The following NEXMIF variants were observed in gnomAD, a reference collection of about 807,000 sequenced individuals.
NEXMIF encodes the protein neurite extension and migration factor.
NEXMIF carries 8 observed loss-of-function variants against 62.1 expected under a neutral mutation model. The ratio of observed to expected loss-of-function variants is 0.13; its 90% CI spans 0.08 to 0.23. NEXMIF has a LOEUF of 0.23. Ranked by LOEUF, NEXMIF falls within the 10% of genes least tolerant of loss-of-function variation. The pLI, the probability that NEXMIF is intolerant of heterozygous loss-of-function variation, is 1.00. For missense variants in NEXMIF, 976 were observed against 1,113.3 expected, an observed-to-expected ratio of 0.88 and a Z score of 1.75; for synonymous variants, 404 against 416.6, an observed-to-expected ratio of 0.97 and a Z score of 0.37.
chrX:74,733,570 G>A lies in NEXMIF; in HGVS notation c.*5835C>T, dbSNP rs1325543192. 1 of 112,145 alleles carries A rather than the reference G, an allele frequency of 8.9e-6. No homozygotes were observed. The highest frequency in any genetic ancestry group is 1.9e-5 in the Non-Finnish European group (1 of 53,186). 9.2% of individuals were successfully genotyped at this position (112,145 alleles called of 1,213,427 possible). A position where few individuals can be genotyped will look rare whatever the true frequency, so the allele number is the denominator to read the frequency against. On this transcript the variant is annotated 3_prime_UTR_variant, in exon 4 of 4. Coordinates refer to ENST00000055682, the MANE Select transcript of NEXMIF (RefSeq NM_001008537.3). ...TTCTAATACATATGATTCTAAAGCA[G>A]TATTTTAAACTTTTCTTTTTATTTA...
chrX:74,796,231 TA>T (rs2080309840), intron 1 of NEXMIF, among the ~76,000 whole-genome samples: 2 of 53,297 alleles, frequency 3.8e-5, no homozygotes, highest in East Asian at 8.6e-4. Context: ...ACATATATAA[TA>T]TATATATATA....
At chrX:74,852,009 G>C (rs1170155029) in intron 1 of NEXMIF, among the ~76,000 whole-genome samples, 1 of 110,542 alleles carries the variant, frequency 9.0e-6, no homozygotes, top group Non-Finnish European at 1.9e-5. Flanking sequence ...CCACTTAAAA[G>C]ATATAGATGG....
intron 1 of NEXMIF, among the ~76,000 whole-genome samples, chrX:74,827,872 A>G (rs2080423658): frequency 8.9e-6 from 1 of 112,167 alleles, no homozygotes; most frequent in South Asian, 3.7e-4. Context: ...CATCCCTGTG[A>G]GAAAGAAAAG....
At chrX:74,883,963 C>T (rs1402714401) in intron 1 of NEXMIF, among the ~76,000 whole-genome samples, 3 of 112,398 alleles carry the variant, frequency 2.7e-5, no homozygotes, top group African/African-American at 9.7e-5. Flanking sequence ...AGAAAATCTA[C>T]AAGCCAGAAG....
Position 74,859,837 on chromosome X carries a change from G to A in NEXMIF, c.-48+65046C>T, listed in dbSNP as rs182772813. On this transcript the variant is annotated intron_variant, in intron 1 of 3. Transcript: ENST00000055682. Reference sequence around the variant, plus strand: ...TTTATGGAAACAATGCTATGTTGTTGTCAGCTTAAAAAGCCTCGTGGTAAC... The same window carrying A: ...TTTATGGAAACAATGCTATGTTGTTATCAGCTTAAAAAGCCTCGTGGTAAC... Among the ~76,000 whole-genome samples, 6 of 111,327 alleles carry A rather than the reference G, an allele frequency of 5.4e-5. No homozygotes were observed. The Admixed American group carries it at 5.8e-4, about 11-fold the overall frequency.
intron 1 of NEXMIF, among the ~76,000 whole-genome samples, chrX:74,885,799 G>A (rs2080690089): frequency 9.0e-6 from 1 of 111,538 alleles, no homozygotes; most frequent in Non-Finnish European, 1.9e-5. Context: ...CTCATTTTAT[G>A]AGGCCAGCAT....
At chrX:74,755,506 G>A (rs1335903826) in intron 1 of NEXMIF, among the ~76,000 whole-genome samples, 1 of 111,151 alleles carries the variant, frequency 9.0e-6, no homozygotes, top group African/African-American at 3.3e-5. Context: ...TTGGTTCAAC[G>A]TGAATTTCTT....
At chrX:74,788,716 C>T (rs1602227444) in intron 1 of NEXMIF, among the ~76,000 whole-genome samples, 1 of 111,285 alleles carries the variant, frequency 9.0e-6, no homozygotes, top group Admixed American at 9.6e-5. Context: ...AGCCTAACTT[C>T]CTGAAGCAGT....
chrX:74,837,271 T>C (rs891552947), intron 1 of NEXMIF, among the ~76,000 whole-genome samples: 1 of 111,573 alleles, frequency 9.0e-6, no homozygotes, highest in East Asian at 2.8e-4. Flanking sequence ...GCTCACCTGA[T>C]TTTTGTTTTT....
chrX:74,872,216 C>T (rs1369157114), intron 1 of NEXMIF, among the ~76,000 whole-genome samples: 2 of 111,216 alleles, frequency 1.8e-5, no homozygotes, highest in African/African-American at 3.3e-5. Flanking sequence ...AAATGTGTTA[C>T]ATCTACATAA....
chrX:74,861,488 C>A (rs1418307391), intron 1 of NEXMIF, among the ~76,000 whole-genome samples: 2 of 111,478 alleles, frequency 1.8e-5, no homozygotes, highest in Non-Finnish European at 3.8e-5. Flanking sequence ...ACTCAGGAAA[C>A]CCAGAGAAAC....
intron 1 of NEXMIF, among the ~76,000 whole-genome samples, chrX:74,803,617 G>A (rs1461023007): frequency 9.1e-6 from 1 of 110,164 alleles, no homozygotes; most frequent in Non-Finnish European, 1.9e-5. Flanking sequence ...ACTGTGAAAG[G>A]TCAATGATAA....
At chrX:74,924,178 A>AGGGTGTACAAGACGCGAGCCG (rs2080835663) in intron 1 of NEXMIF, among the ~76,000 whole-genome samples, 1 of 110,820 alleles carries the variant, frequency 9.0e-6, no homozygotes, top group Admixed American at 9.4e-5. Context: ...CCCGCCCTAC[A>AGGGTGTACAAGACGCGAGCCG]GGGTGTACAA....
At chrX:74,806,138 T>G (rs2080344200) in intron 1 of NEXMIF, among the ~76,000 whole-genome samples, 2 of 111,989 alleles carry the variant, frequency 1.8e-5, no homozygotes, top group Non-Finnish European at 3.8e-5. Context: ...ACAGTGTTTT[T>G]CTCAGAGCAG....
At chrX:74,747,454 C>T (rs1468509570) in intron 1 of NEXMIF, among the ~76,000 whole-genome samples, 1 of 111,092 alleles carries the variant, frequency 9.0e-6, no homozygotes, top group Non-Finnish European at 1.9e-5. Flanking sequence ...CTTACCAACT[C>T]CAACCCCTGA....
intron 1 of NEXMIF, among the ~76,000 whole-genome samples, chrX:74,906,547 C>T (rs773366771): frequency 9.1e-5 from 10 of 110,495 alleles, no homozygotes; most frequent in Admixed American, 2.9e-4. Flanking sequence ...TGAGTCTCCT[C>T]CAACTGCCTA....
chrX:74,806,852 G>C (rs955373848), intron 1 of NEXMIF, among the ~76,000 whole-genome samples: 5 of 112,698 alleles, frequency 4.4e-5, no homozygotes, highest in African/African-American at 1.6e-4. Flanking sequence ...TGCCTTTGCA[G>C]CTTTCTGGAA....
intron 1 of NEXMIF, among the ~76,000 whole-genome samples, chrX:74,771,520 C>T (rs1047007696): frequency 7.2e-5 from 8 of 110,399 alleles, no homozygotes; most frequent in Admixed American, 9.8e-5. Flanking sequence ...CAAAGGCATA[C>T]GGTATATAAT....
In NEXMIF at chrX:74,824,303, C is replaced by T. The variant is rs775426957; in HGVS notation, c.-47-78606G>A. 1.1e-3 allele frequency among the ~76,000 whole-genome samples: 125 copies of T among 111,882 alleles called. 1 individual carries two copies. The highest frequency in any genetic ancestry group is 1.8e-3 in the Non-Finnish European group (94 of 53,172). ...TCCCCACAAGCCCCAGCCTGTGTAACCACCATCTACTATCTGATTCCATGA... is the reference window on the plus strand; with the variant it reads ...TCCCCACAAGCCCCAGCCTGTGTAATCACCATCTACTATCTGATTCCATGA... On this transcript the variant is annotated intron_variant, in intron 1 of 3. Transcript: ENST00000055682.
Sources: allele counts gnomAD v4.1 joint callset (sites outside exome capture counted in the v4.1 genomes callset), GRCh38; gene constraint gnomAD v4.1.1; transcripts MANE v1.5; gene names NCBI Gene and HGNC (gene_info 2026-07-23, HGNC 2026-07-21).